THSD4: variants seen among roughly 807,000 people sequenced by gnomAD.
THSD4 encodes thrombospondin type 1 domain containing 4, also known as thrombospondin type-1 domain-containing protein 4.
THSD4 carries 69 observed loss-of-function variants against 119.0 expected under a neutral mutation model. The ratio of observed to expected loss-of-function variants is 0.58; its 90% CI spans 0.48 to 0.71. The LOEUF is 0.71. Among genes scored for constraint, THSD4 ranks in the 30% least tolerant of loss-of-function variants. The pLI is 0.00. For synonymous variants in THSD4, 524 were observed against 540.4 expected, an observed-to-expected ratio of 0.97 and a Z score of 0.42; for missense variants, 1,393 against 1,391.1, an observed-to-expected ratio of 1.00 and a Z score of -0.02.
At chr15:71,140,688 T>G (rs1042112144) in intron 1 of THSD4, among the ~76,000 whole-genome samples, 12 of 152,246 alleles carry the variant, frequency 7.9e-5, no homozygotes, top group African/African-American at 2.9e-4. Context: ...AGACAGTATT[T>G]TCTAAATAAG....
intron 7 of THSD4, among the ~76,000 whole-genome samples, chr15:71,495,849 A>G (rs1285993789): frequency 6.6e-6 from 1 of 152,220 alleles, no homozygotes; most frequent in Non-Finnish European, 1.5e-5. Flanking sequence ...GCTTCACCTC[A>G]GGAAAAGACC....
intron 7 of THSD4, among the ~76,000 whole-genome samples, chr15:71,635,606 A>G (rs1343442531): frequency 6.6e-6 from 1 of 152,264 alleles, no homozygotes; most frequent in African/African-American, 2.4e-5. Context: ...ATTGGAAAAC[A>G]TGATCTTCTA....
chr15:71,451,058 A>T (rs2047257309), intron 7 of THSD4, among the ~76,000 whole-genome samples: 1 of 152,080 alleles, frequency 6.6e-6, no homozygotes, highest in Non-Finnish European at 1.5e-5. Flanking sequence ...CACACCTATA[A>T]TCCCAGCTAC....
chr15:71,660,549 A>G lies in THSD4; in HGVS notation c.1172A>G (p.Tyr391Cys). ...TTGCAGAGCATTGGCTGTGATGACT[A>G]CTTAGGCTCCGACAAAGTCGTGGAC... ...GQCKSIGCDD[Y>C]LGSDKVVDKC... is the part of the protein sequence containing the mutation. The change falls in exon 8 of 18, where the codon TAC (tyrosine) becomes TGC (cysteine). Residue 391 changes from tyrosine to cysteine, a missense_variant. Coordinates refer to ENST00000261862, the MANE Select transcript of THSD4 (RefSeq NM_024817.3). 1.2e-6 allele frequency: 2 copies of G among 1,614,144 alleles called. No individual in the cohort carries two copies. Among genetic ancestry groups the G allele is most frequent in the Non-Finnish European group, 1.7e-6 (2 of 1,180,010 alleles).
intron 11 of THSD4, among the ~76,000 whole-genome samples, chr15:71,740,735 G>A (rs2053218421): frequency 6.6e-6 from 1 of 152,188 alleles, no homozygotes; most frequent in African/African-American, 2.4e-5. Flanking sequence ...TAGACTGAAG[G>A]CAAAACATAA....
intron 7 of THSD4, among the ~76,000 whole-genome samples, chr15:71,622,513 A>G (rs1384428508): frequency 1.3e-5 from 2 of 152,198 alleles, no homozygotes; most frequent in African/African-American, 4.8e-5. Flanking sequence ...CAAATTCCGT[A>G]TGTCTCTTTA....
chr15:71,737,915 T>G lies in THSD4; in HGVS notation c.1814T>G (p.Leu605Trp), dbSNP rs925246650. 6.2e-7 allele frequency: 1 copy of G among 1,614,230 alleles called. No individual in the cohort carries two copies. The highest frequency in any genetic ancestry group is 1.3e-5 in the African/African-American group (1 of 75,068). Reference sequence around the variant, plus strand: ...TTTTCTCCCCATCGACCGGACAACTTGGTGCCACCAGCACCGCAGCCCCCA... The same window carrying G: ...TTTTCTCCCCATCGACCGGACAACTGGGTGCCACCAGCACCGCAGCCCCCA... The part of the protein sequence containing the change: ...DRFSPHRPDN[L>W]VPPAPQPPRR... Residue 605 changes from leucine to tryptophan, a missense_variant, in exon 11 of 18, where the codon TTG becomes TGG. Coordinates refer to ENST00000261862, the MANE Select transcript of THSD4 (RefSeq NM_024817.3).
At chr15:71,529,140 G>C (rs528713586) in intron 7 of THSD4, among the ~76,000 whole-genome samples, 1 of 152,224 alleles carries the variant, frequency 6.6e-6, no homozygotes, top group African/African-American at 2.4e-5. Flanking sequence ...TGGAAACCAT[G>C]TATTGAGGGG....
At chr15:71,229,454 A>T (rs1371297034) in intron 4 of THSD4, among the ~76,000 whole-genome samples, 2 of 152,240 alleles carry the variant, frequency 1.3e-5, no homozygotes, top group Non-Finnish European at 1.5e-5. Flanking sequence ...TTTGTGTATA[A>T]CATACACACA....
At chr15:71,459,368 CTCTGTCTCTCTG>C (rs1431039878) in intron 7 of THSD4, among the ~76,000 whole-genome samples, 56 of 123,134 alleles carry the variant, frequency 4.5e-4, no homozygotes, top group Non-Finnish European at 4.4e-4. Context: ...CTCTCTGTCT[CTCTGTCTCTCTG>C]TCTCTCTCTC....
chr15:71,303,763 C>G (rs567468186), intron 6 of THSD4, among the ~76,000 whole-genome samples: 1 of 152,252 alleles, frequency 6.6e-6, no homozygotes, highest in South Asian at 2.1e-4. Context: ...TAGTCATAGC[C>G]TATTGTAGTG....
intron 6 of THSD4, among the ~76,000 whole-genome samples, chr15:71,339,609 A>G (rs1029911093): frequency 2.0e-5 from 3 of 152,166 alleles, no homozygotes; most frequent in African/African-American, 7.2e-5. Flanking sequence ...CTAGTATGGT[A>G]GGAACTTCTC....
intron 7 of THSD4, among the ~76,000 whole-genome samples, chr15:71,603,908 A>G (rs28576264): frequency 0.072 from 11,007 of 152,242 alleles, 1,115 homozygotes; most frequent in East Asian, 0.52. Flanking sequence ...AGGAGAATTC[A>G]GTCCAAGGTT....
chr15:71,523,920 G>T (rs1242905194), intron 7 of THSD4, among the ~76,000 whole-genome samples: 2 of 152,182 alleles, frequency 1.3e-5, no homozygotes, highest in Admixed American at 6.5e-5. Context: ...GGGGACACTG[G>T]ATTAAACAGC....
intron 8 of THSD4, among the ~76,000 whole-genome samples, chr15:71,719,802 A>C (rs2052679681): frequency 6.6e-6 from 1 of 152,010 alleles, no homozygotes; most frequent in African/African-American, 2.4e-5. Context: ...CAGCCTCCCA[A>C]GTAGCTGGGA....
rs2046761028 is a variant in THSD4, at chr15:71,416,586, G to A, written c.1152+4763G>A. Among the ~76,000 whole-genome samples, 2 of 108,600 alleles carry A rather than the reference G, an allele frequency of 1.8e-5. 1 individual carries two copies. Among genetic ancestry groups the A allele is most frequent in the African/African-American group, 6.3e-5 (2 of 31,894 alleles). 71.2% of individuals were successfully genotyped at this position (108,600 alleles called of 152,430 possible). On this transcript the variant is annotated intron_variant, in intron 7 of 17. Coordinates refer to ENST00000261862, the MANE Select transcript of THSD4 (RefSeq NM_024817.3). ...TAGTTTGGATTTGCATTTCTCTAAT[G>A]ATCAGTGATGTTGAGTAGGTTTCTA...
chr15:71,123,023 T>C (rs2040421067), intron 1 of THSD4, among the ~76,000 whole-genome samples: 2 of 152,198 alleles, frequency 1.3e-5, no homozygotes, highest in South Asian at 2.1e-4. Context: ...TGCCTACCCT[T>C]CCTTTCCTCA....
chr15:71,213,885 C>T (rs1223298574), intron 3 of THSD4, among the ~76,000 whole-genome samples: 1 of 152,212 alleles, frequency 6.6e-6, no homozygotes, highest in Non-Finnish European at 1.5e-5. Context: ...AAGGTAGGTA[C>T]TGGTACTATC....
chr15:71,437,339 A>G (rs1368612727), intron 7 of THSD4, among the ~76,000 whole-genome samples: 1 of 152,236 alleles, frequency 6.6e-6, no homozygotes, highest in Non-Finnish European at 1.5e-5. Context: ...TGGAGGGGAC[A>G]CACATCCAAA....
Sources: allele counts gnomAD v4.1 joint callset (sites outside exome capture counted in the v4.1 genomes callset), GRCh38; gene constraint gnomAD v4.1.1; transcripts MANE v1.5; gene names NCBI Gene and HGNC (gene_info 2026-07-23, HGNC 2026-07-21).